ABCC12: variants seen among roughly 807,000 people sequenced by gnomAD.
ABCC12 encodes ATP-binding cassette sub-family C member 12.
A neutral mutation model predicts 151.1 loss-of-function variants in ABCC12; 142 were observed. The ratio of observed to expected loss-of-function variants is 0.94; its 90% CI spans 0.82 to 1.08. The LOEUF (loss-of-function observed/expected upper bound fraction) is 1.08. ABCC12 is among the 50% of genes least tolerant of loss of function. ABCC12 has a pLI of 0.00. For synonymous variants in ABCC12, 645 were observed against 646.4 expected (o/e 1.00, Z 0.03); for missense variants, 1,638 against 1,691.1 (o/e 0.97, Z 0.55).
intron 3 of ABCC12, 55 bp downstream of exon 3, chr16:48,146,250 TG>T: frequency 6.6e-7 from 1 of 1,525,832 alleles, no homozygotes; most frequent in Non-Finnish European, 9.1e-7. Context: ...ACTCTCCTGA[TG>T]GACATTCCTG....
intron 8 of ABCC12, among the ~76,000 whole-genome samples, chr16:48,136,152 T>A (rs1964601569): frequency 6.6e-6 from 1 of 152,210 alleles, no homozygotes; most frequent in Non-Finnish European, 1.5e-5. Context: ...CAGGGCAGAA[T>A]CGAAGCCCAC....
chr16:48,152,609 A>T (rs1345845149), intron 2 of ABCC12, among the ~76,000 whole-genome samples: 1 of 152,236 alleles, frequency 6.6e-6, no homozygotes, highest in Non-Finnish European at 1.5e-5. Flanking sequence ...GGGGAGAATC[A>T]TAGAATCCAA....
At chr16:48,147,885 T>C (rs1965051713) in intron 2 of ABCC12, among the ~76,000 whole-genome samples, 1 of 152,208 alleles carries the variant, frequency 6.6e-6, no homozygotes, top group Non-Finnish European at 1.5e-5. Flanking sequence ...AGCCCACATG[T>C]TTTAGAGCTA....
chr16:48,095,218 A>G (rs563480564), intron 24 of ABCC12, among the ~76,000 whole-genome samples: 8 of 152,270 alleles, frequency 5.3e-5, no homozygotes, highest in Admixed American at 3.3e-4. Flanking sequence ...GGTGGTAAAT[A>G]AGTCTCACGA....
At chr16:48,126,927 G>C (rs554036944) in intron 11 of ABCC12, among the ~76,000 whole-genome samples, 1 of 152,168 alleles carries the variant, frequency 6.6e-6, no homozygotes, top group Non-Finnish European at 1.5e-5. Context: ...AGCGTCCTTA[G>C]AACACGGGAA....
intron 11 of ABCC12, among the ~76,000 whole-genome samples, chr16:48,127,783 G>A (rs1964288352): frequency 6.6e-6 from 1 of 152,194 alleles, no homozygotes; most frequent in African/African-American, 2.4e-5. Flanking sequence ...ATCTAGGACA[G>A]GAGCAGTGGT....
intron 22 of ABCC12, among the ~76,000 whole-genome samples, chr16:48,103,524 C>T (rs940890456): frequency 1.3e-5 from 2 of 152,210 alleles, no homozygotes; most frequent in African/African-American, 4.8e-5. Context: ...CTGAGGTTTG[C>T]AGCACCTCTC....
At chr16:48,088,814 A>AC (rs1316261684) in intron 25 of ABCC12, 80 bp from the exon 26 acceptor site, 1 of 1,286,666 alleles carries the variant, frequency 7.8e-7, no homozygotes, top group Non-Finnish European at 1.1e-6. Flanking sequence ...ATTGATTCAC[A>AC]CAGTTTCAGG....
At chr16:48,112,152 T>A (rs1250101093) in intron 15 of ABCC12, among the ~76,000 whole-genome samples, 2 of 152,062 alleles carry the variant, frequency 1.3e-5, no homozygotes, top group Non-Finnish European at 2.9e-5. Context: ...GCCAAGTGCC[T>A]CCTGGGGGCA....
intron 11 of ABCC12, among the ~76,000 whole-genome samples, chr16:48,127,861 C>T (rs367603571): frequency 2.0e-5 from 3 of 151,874 alleles, no homozygotes; most frequent in African/African-American, 4.8e-5. Flanking sequence ...GCCAGGAGTT[C>T]GAGCCTGGCC....
intron 12 of ABCC12, 105 bp downstream of exon 12, chr16:48,124,108 T>G (rs1964158546): frequency 1.1e-5 from 13 of 1,181,906 alleles, no homozygotes; most frequent in Non-Finnish European, 1.5e-5. Context: ...ATGCACAGTG[T>G]CCAGTGCAGC....
chr16:48,135,197 C>T (rs568434531), intron 8 of ABCC12, among the ~76,000 whole-genome samples: 4 of 152,256 alleles, frequency 2.6e-5, no homozygotes, highest in Admixed American at 2.6e-4. Flanking sequence ...ACTGGGGAGG[C>T]CAGGTCTTAA....
chr16:48,091,291 A>G, intron 24 of ABCC12, 82 bp from the exon 25 acceptor site: 4 of 1,239,268 alleles, frequency 3.2e-6, no homozygotes, highest in South Asian at 2.4e-5. Flanking sequence ...AGGCAGTCCT[A>G]GTGAATGATC....
Position 48,140,777 on chromosome 16 carries a change from G to A in ABCC12, c.567C>T (p.Arg189=). The A allele has an allele frequency of 6.2e-7, 1 of 1,614,202 alleles. No individual in the cohort carries two copies. The highest frequency in any genetic ancestry group is 1.1e-5 in the South Asian group (1 of 91,082). Residue 189 remains arginine, a synonymous_variant, in exon 6 of 31, where the codon CGC becomes CGT. Coordinates refer to ENST00000311303, the MANE Select transcript of ABCC12 (RefSeq NM_001393797.1). The part of the protein sequence containing the change: ...FWALAWAINY[R]TAIRLKVALS... ...GCGCCACCTTCAACCGGATGGCCGTGCGGTAGTTGATGGCCCAGGCAAGGG... is the reference window on the plus strand; with the variant it reads ...GCGCCACCTTCAACCGGATGGCCGTACGGTAGTTGATGGCCCAGGCAAGGG...
rs774878802 is a variant in ABCC12 at position 48,146,335 on chromosome 16, C to A, written c.90G>T (p.Lys30Asn). Residue 30 changes from lysine to asparagine, a missense_variant, in exon 3 of 31, where the codon AAG (lysine) becomes AAT (asparagine). Transcript: ENST00000311303. Reference protein sequence around the residue: ...SFAERYDPSLKTMIPVRPCAR... With the variant: ...SFAERYDPSLNTMIPVRPCAR... ...CACAGGGTCGCACTGGGATCATGGTCTTCAGGCTGGGGTCATATCTTTCTG... is the reference window on the plus strand; with the variant it reads ...CACAGGGTCGCACTGGGATCATGGTATTCAGGCTGGGGTCATATCTTTCTG... The A allele has an allele frequency of 2.5e-6, 4 of 1,614,084 alleles. No individual in the cohort carries two copies. Among genetic ancestry groups the A allele is most frequent in the Non-Finnish European group, 3.4e-6 (4 of 1,180,032 alleles).
intron 27 of ABCC12, chr16:48,087,476 A>G (rs1962667956): frequency 6.4e-6 from 1 of 156,100 alleles, no homozygotes; most frequent in East Asian, 1.9e-4. Flanking sequence ...TGCTTGAAAT[A>G]GCTTCTGTTC....
intron 8 of ABCC12, among the ~76,000 whole-genome samples, chr16:48,134,967 G>T (rs1282897921): frequency 6.6e-6 from 1 of 151,468 alleles, no homozygotes; most frequent in Non-Finnish European, 1.5e-5. Flanking sequence ...CAGGAGAATG[G>T]CATGAACCCA....
chr16:48,106,237 C>A (rs1466023979), intron 20 of ABCC12, among the ~76,000 whole-genome samples: 1 of 152,162 alleles, frequency 6.6e-6, no homozygotes, highest in Non-Finnish European at 1.5e-5. Flanking sequence ...GAAGGCCCAG[C>A]CTGAAGAGGA....
rs540533061 is a variant in ABCC12 at position 48,111,648 on chromosome 16, A to T, written c.2139T>A (p.Leu713=). The change falls in exon 17 of 31, where the codon CTT becomes CTA. Residue 713 remains leucine, a synonymous_variant. Transcript: ENST00000311303. The part of the protein sequence containing the change: ...RGLQFKDPEH[L]YNAAMVEAFK... ...AGGCTTCCACCATTGCTGCATTGTA[A>T]AGGTGTTCAGGATCCTGGAGACAAA... The T allele has an allele frequency of 6.2e-7, 1 of 1,614,090 alleles. No homozygotes were observed. Among genetic ancestry groups the T allele is most frequent in the Admixed American group, 1.7e-5 (1 of 60,010 alleles).
Sources: gnomAD v4.1 joint callset for allele counts (sites outside exome capture counted in the v4.1 genomes callset) on GRCh38, gnomAD v4.1.1 for gene constraint, MANE v1.5 for transcripts, NCBI Gene and HGNC (gene_info 2026-07-23, HGNC 2026-07-21) for gene names.